AP4S1: variants seen among roughly 807,000 people sequenced by gnomAD.
AP4S1 encodes the protein adaptor related protein complex 4 subunit sigma 1.
Under a neutral mutation model 19.8 loss-of-function variants are expected in AP4S1, and 23 were observed. The observed-to-expected ratio is 1.16, with a 90% CI of 0.84 to 1.65. AP4S1 has a LOEUF of 1.65. Among genes scored for constraint, AP4S1 ranks in the 40% most tolerant of loss-of-function variants. The pLI is 0.00. For missense variants in AP4S1, 166 were observed against 172.8 expected, an observed-to-expected ratio of 0.96 and a Z score of 0.22; for synonymous variants, 46 against 54.1, an observed-to-expected ratio of 0.85 and a Z score of 0.66.
In AP4S1 at chr14:31,093,184, G is replaced by A. The variant is rs1888121882; in HGVS notation, c.*149G>A. ...ACATTATAAATAGGCATTTTCCACA[G>A]TTCCTAAAAAGAAAACACAACTGTA... On this transcript the variant is annotated 3_prime_UTR_variant, in exon 6 of 6. Transcript: ENST00000542754. 2.7e-6 allele frequency: 2 copies of A among 750,264 alleles called. No individual in the cohort carries two copies. Among genetic ancestry groups the A allele is most frequent in the African/African-American group, 1.8e-5 (1 of 54,078 alleles). 46.5% of individuals were successfully genotyped at this position (750,264 alleles called of 1,614,324 possible). A position where few individuals can be genotyped will look rare whatever the true frequency, so the allele number is the denominator to read the frequency against.
chr14:31,039,574 T>TG (rs1884980070), intron 1 of AP4S1, among the ~76,000 whole-genome samples: 1 of 106,452 alleles, frequency 9.4e-6, no homozygotes, highest in East Asian at 2.5e-4. Context: ...GTAGTTTTGT[T>TG]TTTTTTTTTT....
At chr14:31,085,642 G>A (rs1887889790) in intron 5 of AP4S1, 1 of 692,084 alleles carries the variant, frequency 1.4e-6, no homozygotes, top group African/African-American at 2.0e-5. Context: ...CATTGGTGGT[G>A]TGTGCCTATA....
chr14:31,077,438 T>C (rs1482005877), intron 4 of AP4S1, among the ~76,000 whole-genome samples: 1 of 152,170 alleles, frequency 6.6e-6, no homozygotes, highest in Non-Finnish European at 1.5e-5. Context: ...GAAGTGAGGT[T>C]TGGCAAACTC....
chr14:31,059,976 T>C (rs1234663432), intron 1 of AP4S1, among the ~76,000 whole-genome samples: 1 of 72,108 alleles, frequency 1.4e-5, no homozygotes, highest in Non-Finnish European at 3.0e-5. Flanking sequence ...TATGTATTTA[T>C]GTATATATGT....
chr14:31,080,111 TGATA>T (rs1194050217), intron 4 of AP4S1, among the ~76,000 whole-genome samples: 1 of 152,218 alleles, frequency 6.6e-6, no homozygotes, highest in African/African-American at 2.4e-5. Flanking sequence ...TTCCCCTCCT[TGATA>T]GATATTTAGG....
chr14:31,063,922 G>GT (rs1288318643), intron 1 of AP4S1, among the ~76,000 whole-genome samples: 2 of 152,110 alleles, frequency 1.3e-5, no homozygotes, highest in East Asian at 1.9e-4. Context: ...ACTCATCTTA[G>GT]TTTTTTGCAC....
intron 1 of AP4S1, chr14:31,026,454 T>G: frequency 7.6e-6 from 3 of 394,832 alleles, no homozygotes; most frequent in East Asian, 4.5e-5. Context: ...GGGAAGGGGA[T>G]AGGCGGAGGG....
chr14:31,080,943 C>G (rs1367060106), intron 5 of AP4S1, among the ~76,000 whole-genome samples: 1 of 152,094 alleles, frequency 6.6e-6, no homozygotes, highest in Non-Finnish European at 1.5e-5. Flanking sequence ...GGGCGCCCAC[C>G]ACCACGCCCA....
chr14:31,073,183 TG>T (rs1887110503), intron 4 of AP4S1: 1 of 493,592 alleles, frequency 2.0e-6, no homozygotes, highest in Non-Finnish European at 3.6e-6. Flanking sequence ...TATAAAGAAC[TG>T]GAAAAAAAAA....
chr14:31,073,405 G>A (rs1216639741), intron 4 of AP4S1, among the ~76,000 whole-genome samples: 25 of 135,902 alleles, frequency 1.8e-4, no homozygotes, highest in South Asian at 9.6e-4. Context: ...CAGGAGAATG[G>A]CGTGAACCCG....
intron 4 of AP4S1, among the ~76,000 whole-genome samples, chr14:31,074,364 T>TAAAG (rs1367024791): frequency 6.8e-5 from 5 of 73,260 alleles, no homozygotes; most frequent in African/African-American, 2.0e-4. Flanking sequence ...AATAAATAAA[T>TAAAG]AAAGTAAGCT....
Position 31,073,060 on chromosome 14 carries a change from G to A in AP4S1, c.294+87G>A, listed in dbSNP as rs756418695. ...CTTTGGATCTATATCAAGAACATGT[G>A]TTAATACAGAGTTTTAATAAGTAAA... On this transcript the variant is annotated intron_variant, in intron 4 of 5. Transcript: ENST00000542754. 1.4e-5 allele frequency: 16 copies of A among 1,105,452 alleles called. 1 individual carries two copies. The African/African-American group carries it at 2.2e-4, about 15-fold the overall frequency. 68.5% of individuals were successfully genotyped at this position (1,105,452 alleles called of 1,614,324 possible).
At chr14:31,026,518 C>T (rs906354367) in intron 1 of AP4S1, 1 of 268,738 alleles carries the variant, frequency 3.7e-6, no homozygotes, top group African/African-American at 2.2e-5. Context: ...CGCTTAATCG[C>T]CAAATAGAGT....
chr14:31,077,799 G>A (rs1217837034), intron 4 of AP4S1, among the ~76,000 whole-genome samples: 1 of 148,566 alleles, frequency 6.7e-6, no homozygotes. Context: ...GCAGTGGCGC[G>A]ATCTCGGCTC....
chr14:31,025,704 T>G lies in AP4S1; in HGVS notation c.-155T>G. ...GCCCGCACCGCGTAGCCAGTGAAGG[T>G]TGGGGAGCAAGCTTATGCGGGAAAG... On this transcript the variant is annotated 5_prime_UTR_variant, in exon 1 of 6. Transcript: ENST00000542754. 1.3e-6 allele frequency: 1 copy of G among 774,258 alleles called. No individual in the cohort carries two copies. Among genetic ancestry groups the G allele is most frequent in the Non-Finnish European group, 2.0e-6 (1 of 507,410 alleles). 48.0% of individuals were successfully genotyped at this position (774,258 alleles called of 1,614,324 possible). A position where few individuals can be genotyped will look rare whatever the true frequency, so the allele number is the denominator to read the frequency against.
chr14:31,090,956 A>G (rs1888061460), intron 5 of AP4S1, among the ~76,000 whole-genome samples: 1 of 152,246 alleles, frequency 6.6e-6, no homozygotes, highest in African/African-American at 2.4e-5. Flanking sequence ...TGTCCACAGT[A>G]TACAGTGACC....
chr14:31,072,884 A>C (rs765236147), intron 3 of AP4S1, 21 bp from the exon 4 acceptor site: 43 of 1,596,110 alleles, frequency 2.7e-5, no homozygotes, highest in Non-Finnish European at 3.5e-5. Flanking sequence ...AATTGATTGT[A>C]CCTTTCTTCT....
rs576411455 is a variant in AP4S1 at position 31,061,647 on chromosome 14, AT to A, written c.-71-4465del. Among the ~76,000 whole-genome samples, 1,201 of 145,998 alleles carry A rather than the reference AT, an allele frequency of 8.2e-3. 9 individuals carry two copies. Among genetic ancestry groups the A allele is most frequent in the African/African-American group, 0.026 (1,031 of 39,912 alleles). On this transcript the variant is annotated intron_variant, in intron 1 of 5. Coordinates refer to ENST00000542754, the MANE Select transcript of AP4S1 (RefSeq NM_001128126.3). ...CAGTTGCAAGTATACATTAAAATCA[AT>A]TTTTTTTTTTTTTGAGATGGAGTCT... is the stretch of plus-strand genomic sequence containing the variant.
intron 1 of AP4S1, among the ~76,000 whole-genome samples, chr14:31,045,067 A>G (rs1398872847): frequency 6.6e-6 from 1 of 151,668 alleles, no homozygotes; most frequent in Non-Finnish European, 1.5e-5. Flanking sequence ...ACACCCGGCT[A>G]ATTTTTGTAT....
Sources: allele counts gnomAD v4.1 joint callset (sites outside exome capture counted in the v4.1 genomes callset), GRCh38; gene constraint gnomAD v4.1.1; transcripts MANE v1.5; gene names NCBI Gene and HGNC (gene_info 2026-07-23, HGNC 2026-07-21).